Variants in LIPK observed in about 807,000 individuals in gnomAD.
LIPK encodes lipase family member K.
LIPK carries 32 observed loss-of-function variants against 48.6 expected under a neutral mutation model. The ratio of observed to expected loss-of-function variants is 0.66; its 90% CI spans 0.50 to 0.88. The LOEUF (loss-of-function observed/expected upper bound fraction) is 0.88, where lower values mean the gene tolerates loss of function less well. Among genes scored for constraint, LIPK ranks in the 40% least tolerant of loss-of-function variants. LIPK has a pLI of 0.00. For synonymous variants in LIPK, 164 were observed against 157.4 expected (o/e 1.04, Z -0.32); for missense variants, 507 against 478.5 (o/e 1.06, Z -0.56).
chr10:88,732,812 C>T (rs765660116), intron 6 of LIPK, among the ~76,000 whole-genome samples: 1 of 152,088 alleles, frequency 6.6e-6, no homozygotes, highest in South Asian at 2.1e-4. Flanking sequence ...ATAGAGAGAA[C>T]TTATTTGATT....
chr10:88,728,003 AGGT>A, intron 3 of LIPK: 1 of 365,540 alleles, frequency 2.7e-6, no homozygotes, highest in Non-Finnish European at 5.4e-6. Context: ...CTGAAGGTGG[AGGT>A]GGAGCTTGAC....
chr10:88,708,672 GAAT>G (rs1841977308), intron 1 of LIPK, among the ~76,000 whole-genome samples: 1 of 151,892 alleles, frequency 6.6e-6, no homozygotes, highest in Non-Finnish European at 1.5e-5. Flanking sequence ...GAATCCAATA[GAAT>G]AATGATTTGA....
At chr10:88,718,151 T>C (rs915086956) in intron 1 of LIPK, among the ~76,000 whole-genome samples, 8 of 151,596 alleles carry the variant, frequency 5.3e-5, no homozygotes, top group African/African-American at 1.9e-4. Flanking sequence ...CATATCTTTC[T>C]TAGCTCACTA....
chr10:88,727,053 C>A (rs1044639540), intron 3 of LIPK, 141 bp downstream of exon 3: 4 of 647,198 alleles, frequency 6.2e-6, no homozygotes, highest in African/African-American at 3.7e-5. Context: ...CCCCATCTCT[C>A]TGTTTAATTT....
chr10:88,714,999 A>G (rs1842090594), intron 1 of LIPK, among the ~76,000 whole-genome samples: 1 of 152,048 alleles, frequency 6.6e-6, no homozygotes, highest in Non-Finnish European at 1.5e-5. Context: ...AAATCACTAA[A>G]TTTATTTCTA....
At chr10:88,736,321 T>C (rs898254302) in intron 6 of LIPK, among the ~76,000 whole-genome samples, 1 of 152,226 alleles carries the variant, frequency 6.6e-6, no homozygotes, top group Non-Finnish European at 1.5e-5. Flanking sequence ...GTACATATTA[T>C]CTGATTGATT....
chr10:88,743,305 T>C lies in LIPK; in HGVS notation c.944T>C (p.Met315Thr), dbSNP rs1554826123. ...AFDWGNSDQN[M>T]MHFHQLTPPL... ...GATTGGGGAAACTCTGATCAGAACA[T>C]GATGCACTTCCATCAGGTACAAAAA... Residue 315 changes from methionine (M) to threonine (T), a missense_variant, in exon 9 of 10, where the codon ATG becomes ACG. By Grantham distance (81) the Met-to-Thr change is moderately conservative. Transcript: ENST00000404190. The C allele has an allele frequency of 6.3e-7, 1 of 1,592,014 alleles. No homozygotes were observed. Among genetic ancestry groups the C allele is most frequent in the Non-Finnish European group, 8.6e-7 (1 of 1,167,124 alleles).
chr10:88,733,801 G>A (rs1486758735), intron 6 of LIPK, among the ~76,000 whole-genome samples: 1 of 152,104 alleles, frequency 6.6e-6, no homozygotes, highest in Admixed American at 6.6e-5. Context: ...AGTTAATTCA[G>A]CCAAAAGATA....
chr10:88,749,489 G>T (rs1395422570), intron 9 of LIPK, among the ~76,000 whole-genome samples: 1 of 152,146 alleles, frequency 6.6e-6, no homozygotes, highest in African/African-American at 2.4e-5. Context: ...CTTCGACAAA[G>T]TTGACAATAA....
chr10:88,720,004 C>T (rs1161073703), intron 1 of LIPK, among the ~76,000 whole-genome samples: 1 of 152,128 alleles, frequency 6.6e-6, no homozygotes. Flanking sequence ...TGCATCAAGG[C>T]AATATTCTCT....
intron 9 of LIPK, among the ~76,000 whole-genome samples, chr10:88,746,404 A>C (rs1400963728): frequency 6.6e-6 from 1 of 152,186 alleles, no homozygotes; most frequent in African/African-American, 2.4e-5. Flanking sequence ...CAAATTAAAA[A>C]AAAACTGAAA....
intron 3 of LIPK, chr10:88,729,035 T>C (rs426118): frequency 0.78 from 118,867 of 153,272 alleles, 47,096 homozygotes; most frequent in East Asian, 1. Flanking sequence ...TCAGCCCTAG[T>C]TCTCAGCCCA....
Position 88,743,314 on chromosome 10 carries a change from T to G in LIPK, c.953T>G (p.Phe318Cys), listed in dbSNP as rs765366731. ...WGNSDQNMMH[F>C]HQLTPPLYNI... ...AACTCTGATCAGAACATGATGCACT[T>G]CCATCAGGTACAAAAATAATCCTCA... is the stretch of plus-strand genomic sequence containing the variant. Residue 318 changes from phenylalanine (F) to cysteine (C), a missense_variant, in exon 9 of 10, where the codon TTC becomes TGC. Physicochemically the swap from Phe to Cys is radical, Grantham distance 205. Transcript: ENST00000404190. The G allele has an allele frequency of 5.7e-6, 9 of 1,587,832 alleles. No homozygotes were observed. The Admixed American group carries it at 1.4e-4, about 25-fold the overall frequency.
intron 1 of LIPK, among the ~76,000 whole-genome samples, chr10:88,714,106 T>C (rs1231930983): frequency 1.3e-5 from 2 of 152,124 alleles, no homozygotes; most frequent in Non-Finnish European, 2.9e-5. Flanking sequence ...AGACATGCTT[T>C]CTCTTGTTTC....
chr10:88,727,868 C>A (rs1842376774), intron 3 of LIPK: 1 of 378,036 alleles, frequency 2.6e-6, no homozygotes, highest in Non-Finnish European at 5.2e-6. Context: ...GTTCCTGGAG[C>A]AGCAGAACAA....
At chr10:88,726,966 T>C in intron 3 of LIPK, 54 bp downstream of exon 3, 2 of 1,053,708 alleles carry the variant, frequency 1.9e-6, no homozygotes, top group Non-Finnish European at 2.8e-6. Context: ...GGTACTTAGA[T>C]GTCCTGGGAG....
At chr10:88,748,616 CAA>C (rs56692405) in intron 9 of LIPK, among the ~76,000 whole-genome samples, 16 of 106,556 alleles carry the variant, frequency 1.5e-4, no homozygotes, top group Non-Finnish European at 1.2e-4. Context: ...GACTCCGTCT[CAA>C]AAAAAAAAAA....
chr10:88,710,906 A>G (rs147270812), intron 1 of LIPK, among the ~76,000 whole-genome samples: 1 of 152,276 alleles, frequency 6.6e-6, no homozygotes, highest in East Asian at 1.9e-4. Context: ...TATAAACTAT[A>G]AATATATATC....
chr10:88,720,179 C>T (rs1362952976), intron 1 of LIPK, among the ~76,000 whole-genome samples: 1 of 152,134 alleles, frequency 6.6e-6, no homozygotes. Context: ...GCAGCTGTCT[C>T]CACTGTCATG....
Sources: allele counts gnomAD v4.1 joint callset (sites outside exome capture counted in the v4.1 genomes callset), GRCh38; gene constraint gnomAD v4.1.1; transcripts MANE v1.5; gene names NCBI Gene and HGNC (gene_info 2026-07-23, HGNC 2026-07-21).